Variants in SYN2 observed in about 807,000 individuals in gnomAD.
The protein encoded by SYN2 is synapsin II.
A neutral mutation model predicts 50.9 loss-of-function variants in SYN2; 19 were observed. The ratio of observed to expected loss-of-function variants is 0.37; its 90% CI spans 0.26 to 0.55. SYN2 has a LOEUF of 0.55. Among genes scored for constraint, SYN2 ranks in the 20% least tolerant of loss-of-function variants. SYN2 has a pLI of 0.81. For synonymous variants in SYN2, 255 were observed against 224.9 expected (o/e 1.13, Z -1.20); for missense variants, 587 against 576.4 (o/e 1.02, Z -0.19).
chr3:12,135,295 G>A (rs1027792247), intron 1 of SYN2, among the ~76,000 whole-genome samples: 6 of 152,128 alleles, frequency 3.9e-5, no homozygotes, highest in Admixed American at 1.3e-4. Flanking sequence ...AGTGTAGGTG[G>A]GGAAATAGGA....
intron 2 of SYN2, among the ~76,000 whole-genome samples, chr3:12,141,417 T>C (rs1192787185): frequency 6.6e-6 from 1 of 152,228 alleles, no homozygotes; most frequent in Non-Finnish European, 1.5e-5. Flanking sequence ...ATTCCCATTT[T>C]GTAGATCAGG....
chr3:12,167,870 C>A (rs1325732346), intron 8 of SYN2, among the ~76,000 whole-genome samples: 2 of 152,090 alleles, frequency 1.3e-5, no homozygotes, highest in African/African-American at 2.4e-5. Flanking sequence ...GCTAACAGGT[C>A]TCAGATGGAA....
At chr3:12,036,108 G>A (rs1395068929) in intron 1 of SYN2, among the ~76,000 whole-genome samples, 7 of 152,092 alleles carry the variant, frequency 4.6e-5, no homozygotes, top group Admixed American at 2.0e-4. Context: ...TCATTTCCAT[G>A]CTTGGAGTGG....
chr3:12,139,556 G>A (rs933089744), intron 1 of SYN2, among the ~76,000 whole-genome samples: 3 of 152,116 alleles, frequency 2.0e-5, no homozygotes, highest in African/African-American at 7.2e-5. Flanking sequence ...TGGTTTCCTT[G>A]TCTCTGAAAT....
intron 1 of SYN2, among the ~76,000 whole-genome samples, chr3:12,080,889 G>A (rs944873636): frequency 4.6e-5 from 7 of 151,948 alleles, no homozygotes; most frequent in African/African-American, 1.7e-4. Context: ...ATCTAATATT[G>A]ATAGATCCCA....
chr3:12,057,152 C>T (rs910949804), intron 1 of SYN2, among the ~76,000 whole-genome samples: 2 of 151,818 alleles, frequency 1.3e-5, no homozygotes, highest in Non-Finnish European at 2.9e-5. Context: ...ATTAGCTGGG[C>T]GTGGTGGCAT....
At chr3:12,174,457 C>G (rs554792016) in intron 10 of SYN2, among the ~76,000 whole-genome samples, 1 of 152,106 alleles carries the variant, frequency 6.6e-6, no homozygotes, top group South Asian at 2.1e-4. Flanking sequence ...TTAGGCTGTG[C>G]TCTCTCTCTG....
chr3:12,023,827 C>T (rs1435748350), intron 1 of SYN2, among the ~76,000 whole-genome samples: 1 of 151,954 alleles, frequency 6.6e-6, no homozygotes. Flanking sequence ...TTTGGTTGTC[C>T]GTCTGTGAGG....
At chr3:12,077,124 C>G (rs1200653943) in intron 1 of SYN2, among the ~76,000 whole-genome samples, 4 of 152,002 alleles carry the variant, frequency 2.6e-5, no homozygotes, top group African/African-American at 9.7e-5. Flanking sequence ...CCTCTGTGAA[C>G]TAGTCTCCAC....
rs1283074381 is a variant in SYN2 at position 12,187,616 on chromosome 3, AG to A, written c.1613+5del. The A allele has an allele frequency of 6.5e-7, 1 of 1,540,130 alleles. No homozygotes were observed. The highest frequency in any genetic ancestry group is 1.4e-5 in the African/African-American group (1 of 72,886). On this transcript the variant is annotated splice_donor_5th_base_variant and intron_variant, in intron 12 of 12. Transcript: ENST00000621198. ...CCCAGCCTCACCCACAGCTCAAGTA[AG>A]AGACAACTCAGCAGCTCCTCCCTCC...
chr3:12,023,861 G>A (rs769603278), intron 1 of SYN2, among the ~76,000 whole-genome samples: 6 of 152,096 alleles, frequency 3.9e-5, no homozygotes, highest in East Asian at 3.9e-4. Flanking sequence ...AACTAGAACC[G>A]TAGCAGTGGA....
intron 1 of SYN2, among the ~76,000 whole-genome samples, chr3:12,014,004 T>C (rs2125131892): frequency 6.6e-6 from 1 of 152,342 alleles, no homozygotes; most frequent in Middle Eastern, 3.4e-3. Flanking sequence ...CTTTTGAGAC[T>C]GAGTATTTCC....
chr3:12,004,465 A>C lies in SYN2; in HGVS notation c.-87A>C, dbSNP rs916805725. 3 of 335,438 alleles carry C rather than the reference A, an allele frequency of 8.9e-6. No individual in the cohort carries two copies. Among genetic ancestry groups the C allele is most frequent in the African/African-American group, 6.7e-5 (3 of 44,824 alleles). The allele number at this position is 335,438 out of a possible 1,614,324, so 20.8% of individuals were successfully genotyped here. Reference sequence around the variant, plus strand: ...GCTAAGCCGCCGCCTCAGCCGCCTCAGTCGCCTCAATCTCGCCTTCCGCCC... The same window carrying C: ...GCTAAGCCGCCGCCTCAGCCGCCTCCGTCGCCTCAATCTCGCCTTCCGCCC... On this transcript the variant is annotated 5_prime_UTR_variant, in exon 1 of 13. Coordinates refer to ENST00000621198, the MANE Select transcript of SYN2 (RefSeq NM_133625.6).
intron 5 of SYN2, chr3:12,153,141 G>A (rs1434480547): frequency 3.7e-5 from 12 of 321,942 alleles, no homozygotes; most frequent in South Asian, 6.8e-5. Flanking sequence ...TACATCGCAA[G>A]GATATACCAT....
chr3:12,008,704 A>C lies in SYN2; in HGVS notation c.377+3776A>C, dbSNP rs189121449. Reference sequence around the variant, plus strand: ...TTTGTACCAATCTCATTTACTCTTTACATAGCAGTGTAATACTGCAGAAGT... The same window carrying C: ...TTTGTACCAATCTCATTTACTCTTTCCATAGCAGTGTAATACTGCAGAAGT... On this transcript the variant is annotated intron_variant, in intron 1 of 12. Transcript: ENST00000621198. 1.8e-3 allele frequency among the ~76,000 whole-genome samples: 271 copies of C among 152,362 alleles called. 1 individual carries two copies. The highest frequency in any genetic ancestry group is 6.1e-3 in the African/African-American group (253 of 41,574).
At chr3:12,091,478 T>C (rs1695826752) in intron 1 of SYN2, among the ~76,000 whole-genome samples, 1 of 152,132 alleles carries the variant, frequency 6.6e-6, no homozygotes, top group African/African-American at 2.4e-5. Context: ...ATAGCCTTTT[T>C]AAAAGGTAAC....
chr3:12,056,962 C>G (rs1695003925), intron 1 of SYN2, among the ~76,000 whole-genome samples: 4 of 152,108 alleles, frequency 2.6e-5, no homozygotes, highest in African/African-American at 9.7e-5. Context: ...TCTAACAGAA[C>G]AAAAATGATA....
In SYN2 at chr3:12,088,917, G is replaced by A. The variant is rs565650054; in HGVS notation, c.378-51734G>A. Among the ~76,000 whole-genome samples the A allele has an allele frequency of 2.6e-5, 4 of 152,278 alleles. No homozygotes were observed. In the South Asian group the frequency reaches 8.3e-4, roughly 32 times the overall value. On this transcript the variant is annotated intron_variant, in intron 1 of 12. Transcript: ENST00000621198. ...AGAACTGTTAGTTAAAGGGTGCAGA[G>A]TTTCAGTTAGACAAGAGGAATAAGT...
chr3:12,087,858 T>C (rs558611446), intron 1 of SYN2, among the ~76,000 whole-genome samples: 3 of 152,144 alleles, frequency 2.0e-5, no homozygotes, highest in South Asian at 2.1e-4. Flanking sequence ...TAAATGGTGT[T>C]GGGAAAACTG....
Sources: gnomAD v4.1 joint callset for allele counts (sites outside exome capture counted in the v4.1 genomes callset) on GRCh38, gnomAD v4.1.1 for gene constraint, MANE v1.5 for transcripts, NCBI Gene and HGNC (gene_info 2026-07-23, HGNC 2026-07-21) for gene names.